The following RBM24 variants were observed in gnomAD, a reference collection of about 807,000 sequenced individuals.
RBM24 encodes RNA-binding protein 24.
RBM24 carries 5 observed loss-of-function variants against 23.6 expected under a neutral mutation model. That is an observed-to-expected ratio of 0.21 (90% CI 0.11 to 0.45). RBM24 has a LOEUF of 0.45. Ranked by LOEUF, RBM24 falls within the 20% of genes least tolerant of loss-of-function variation. RBM24 has a pLI of 0.99. For synonymous variants in RBM24, 151 were observed against 129.5 expected (o/e 1.17, Z -1.13); for missense variants, 252 against 314.6 (o/e 0.80, Z 1.51).
At chr6:17,289,754 A>G (rs1309414211) in intron 3 of RBM24, 3 of 1,055,712 alleles carry the variant, frequency 2.8e-6, no homozygotes, top group South Asian at 6.4e-5. Flanking sequence ...CCCGCTGGAA[A>G]CCCTTGTCGC....
Position 17,281,999 on chromosome 6 carries a change from A to T in RBM24, c.168+250A>T. On this transcript the variant is annotated intron_variant, in intron 1 of 3. Transcript: ENST00000379052. The surrounding 1 kb of genome is among the most constrained non-coding windows in gnomAD (Gnocchi z 7.1). Reference sequence around the variant, plus strand: ...GGCAGGGCAGAGCAGGGGTGAAAGGAGAGACCTGTAATGACGGCGGGATTT... The same window carrying T: ...GGCAGGGCAGAGCAGGGGTGAAAGGTGAGACCTGTAATGACGGCGGGATTT... The T allele has an allele frequency of 7.4e-7, 1 of 1,353,774 alleles. No individual in the cohort carries two copies. The highest frequency in any genetic ancestry group is 1.5e-5 in the South Asian group (1 of 66,062). The allele number at this position is 1,353,774 out of a possible 1,614,324, so 83.9% of individuals were successfully genotyped here. A position where few individuals can be genotyped will look rare whatever the true frequency, so the allele number is the denominator to read the frequency against.
intron 3 of RBM24, 60 bp downstream of exon 3, chr6:17,284,771 T>G (rs1760143971): frequency 7.9e-7 from 1 of 1,266,410 alleles, no homozygotes; most frequent in African/African-American, 1.5e-5. Context: ...TTAACGTGCC[T>G]CTTTGTTATA....
At chr6:17,283,564 T>G (rs1760099910) in intron 2 of RBM24, among the ~76,000 whole-genome samples, 1 of 152,140 alleles carries the variant, frequency 6.6e-6, no homozygotes, top group Non-Finnish European at 1.5e-5. Context: ...ATTACAGGAA[T>G]GTGTCACCAC....
intron 3 of RBM24, chr6:17,288,586 A>G: frequency 2.0e-6 from 2 of 985,434 alleles, no homozygotes; most frequent in Non-Finnish European, 2.4e-6. Context: ...CGATAAAGCA[A>G]ATTTCTGAAA....
chr6:17,282,263 G>A (rs1275959016), intron 1 of RBM24: 1 of 1,287,912 alleles, frequency 7.8e-7, no homozygotes, highest in Non-Finnish European at 1.0e-6. Flanking sequence ...TTGCCGAACT[G>A]AAACAGAGCA....
At position 17,292,629 on chromosome 6, in the gene RBM24, C is replaced by T. The variant is rs1271347885; in HGVS notation, c.*510C>T. The T allele has an allele frequency of 2.6e-5, 4 of 152,598 alleles. No individual in the cohort carries two copies. Among genetic ancestry groups the T allele is most frequent in the Admixed American group, 2.0e-4 (3 of 15,274 alleles). The allele number at this position is 152,598 out of a possible 1,614,324, so 9.5% of individuals were successfully genotyped here. On this transcript the variant is annotated 3_prime_UTR_variant, in exon 4 of 4. Coordinates refer to ENST00000379052, the MANE Select transcript of RBM24 (RefSeq NM_001143942.2). ...AAGGCCTATAGAACTTTTTTCAAGT[C>T]GGAAGGTCCTGTTCTTACTATCTCA...
At position 17,289,742 on chromosome 6, in the gene RBM24, T is replaced by C. The variant is rs908995090; in HGVS notation, c.348-2014T>C. On this transcript the variant is annotated intron_variant, in intron 3 of 3. Coordinates refer to ENST00000379052, the MANE Select transcript of RBM24 (RefSeq NM_001143942.2). Reference sequence around the variant, plus strand: ...TTACTTTGGCCTTATAAAGACATTTTACCCGCTGGAAACCCTTGTCGCATG... The same window carrying C: ...TTACTTTGGCCTTATAAAGACATTTCACCCGCTGGAAACCCTTGTCGCATG... 7 of 1,056,718 alleles carry C rather than the reference T, an allele frequency of 6.6e-6. No individual in the cohort carries two copies. In the African/African-American group the frequency reaches 1.2e-4, roughly 18 times the overall value. The allele number at this position is 1,056,718 out of a possible 1,614,324, so 65.5% of individuals were successfully genotyped here.
chr6:17,288,531 A>G (rs999149172), intron 3 of RBM24: 3 of 985,294 alleles, frequency 3.0e-6, no homozygotes, highest in Admixed American at 6.1e-5. Flanking sequence ...ATAGGAGGCT[A>G]TGTTAAGACA....
rs566064844 is a variant in RBM24 at position 17,284,332 on chromosome 6, A to C, written c.293-325A>C. ...TAGATTCTGGTTCAAAACTGTGAGA[A>C]TATTTGAGATGTAACTTCACTGTCA... On this transcript the variant is annotated intron_variant, in intron 2 of 3. Transcript: ENST00000379052. 7.9e-5 allele frequency among the ~76,000 whole-genome samples: 12 copies of C among 152,342 alleles called. No homozygotes were observed. In the East Asian group the frequency reaches 1.3e-3, roughly 17 times the overall value.
chr6:17,282,145 G>C (rs1182844602), intron 1 of RBM24: 1 of 1,226,584 alleles, frequency 8.2e-7, no homozygotes, highest in Non-Finnish European at 1.0e-6. Flanking sequence ...TGTTTTGGCT[G>C]GGGCAGGGAG....
Position 17,282,847 on chromosome 6 carries a change from G to T in RBM24, c.211G>T (p.Asp71Tyr), listed in dbSNP as rs768526400. 2 of 1,614,132 alleles carry T rather than the reference G, an allele frequency of 1.2e-6. No homozygotes were observed. Among genetic ancestry groups the T allele is most frequent in the Admixed American group, 1.7e-5 (1 of 60,022 alleles). Residue 71 changes from aspartate to tyrosine, a missense_variant, in exon 2 of 4, where the codon GAT becomes TAT. Transcript: ENST00000379052. ...GGCTGCTGCCGAAAGGGCCTGCAAG[G>T]ATCCCAATCCCATCATTGATGGCAG... The part of the protein sequence containing the change: ...DRAAAERACK[D>Y]PNPIIDGRKA...
chr6:17,290,821 C>T (rs1760335176), intron 3 of RBM24: 1 of 1,286,418 alleles, frequency 7.8e-7, no homozygotes, highest in South Asian at 1.2e-5. Flanking sequence ...ATCATTTCCC[C>T]AAAACCCCTT....
In RBM24 at chr6:17,291,828, A is replaced by G. The variant is rs763280442; in HGVS notation, c.420A>G (p.Thr140=). The G allele has an allele frequency of 6.2e-7, 1 of 1,614,146 alleles. No individual in the cohort carries two copies. Among genetic ancestry groups the G allele is most frequent in the Non-Finnish European group, 8.5e-7 (1 of 1,180,002 alleles). Residue 140 remains threonine, a synonymous_variant, in exon 4 of 4, where the codon ACA becomes ACG. Coordinates refer to ENST00000379052, the MANE Select transcript of RBM24 (RefSeq NM_001143942.2). ...PGVVIPHVQP[T]AAAASTTPYI... is the part of the protein sequence containing the mutation. ...TGGTCATTCCACACGTCCAGCCGACAGCAGCTGCCGCCTCCACCACCCCTT... is the reference window on the plus strand; with the variant it reads ...TGGTCATTCCACACGTCCAGCCGACGGCAGCTGCCGCCTCCACCACCCCTT...
At chr6:17,288,538 G>C (rs1031370089) in intron 3 of RBM24, 8 of 985,240 alleles carry the variant, frequency 8.1e-6, no homozygotes, top group Non-Finnish European at 9.6e-6. Flanking sequence ...GCTATGTTAA[G>C]ACAACAAAGC....
At chr6:17,289,954 T>A in intron 3 of RBM24, 1 of 1,287,420 alleles carries the variant, frequency 7.8e-7, no homozygotes, top group Non-Finnish European at 1.0e-6. Flanking sequence ...AAGTTCTGAG[T>A]GTGTGCATGA....
At chr6:17,282,280 G>C (rs1326527755) in intron 1 of RBM24, 1 of 1,278,866 alleles carries the variant, frequency 7.8e-7, no homozygotes, top group African/African-American at 1.5e-5. Context: ...AGCATATTAA[G>C]CTTCCTTCCT....
chr6:17,292,406 T>G lies in RBM24; in HGVS notation c.*287T>G. The G allele has an allele frequency of 8.6e-6, 2 of 231,844 alleles. No individual in the cohort carries two copies. 14.4% of individuals were successfully genotyped at this position (231,844 alleles called of 1,614,324 possible). On this transcript the variant is annotated 3_prime_UTR_variant, in exon 4 of 4. Coordinates refer to ENST00000379052, the MANE Select transcript of RBM24 (RefSeq NM_001143942.2). The stretch of plus-strand genomic sequence containing the variant: ...CAGGAGTAACAACGGAACTTCACTT[T>G]TGTAACGGGATTTTTATTTTTGCTC...
intron 1 of RBM24, chr6:17,282,147 G>A: frequency 1.6e-6 from 2 of 1,237,338 alleles, no homozygotes; most frequent in Non-Finnish European, 2.1e-6. Flanking sequence ...TTTTGGCTGG[G>A]GCAGGGAGGG....
chr6:17,286,475 G>A (rs1220176137), intron 3 of RBM24, among the ~76,000 whole-genome samples: 2 of 152,180 alleles, frequency 1.3e-5, no homozygotes, highest in Admixed American at 6.5e-5. Context: ...CAATCAACAG[G>A]TAGTTGCATG....
Sources: gnomAD v4.1 joint callset for allele counts (sites outside exome capture counted in the v4.1 genomes callset) on GRCh38, gnomAD v4.1.1 for gene constraint, Gnocchi (gnomAD v3.1) non-coding constraint, MANE v1.5 for transcripts, NCBI Gene and HGNC (gene_info 2026-07-23, HGNC 2026-07-21) for gene names.